MSR1: variants seen among roughly 807,000 people sequenced by gnomAD.
The protein encoded by MSR1 is macrophage scavenger receptor 1.
A neutral mutation model predicts 47.2 loss-of-function variants in MSR1; 53 were observed. The observed-to-expected ratio is 1.12, with a 90% confidence interval of 0.90 to 1.41. MSR1 has a LOEUF of 1.41. MSR1 is among the 40% of genes most tolerant of loss of function. The pLI is 0.00. For missense variants in MSR1, 786 were observed against 546.9 expected, an observed-to-expected ratio of 1.44 and a Z score of -4.36; for synonymous variants, 239 against 185.6, an observed-to-expected ratio of 1.29 and a Z score of -2.34.
intron 1 of MSR1, 94 bp from the exon 2 acceptor site, chr8:16,178,086 G>C (rs1339423025): frequency 3.1e-6 from 3 of 956,530 alleles, no homozygotes; most frequent in Non-Finnish European, 4.8e-6. Flanking sequence ...GTTTGAAATG[G>C]AATCTATTCA....
intron 3 of MSR1, among the ~76,000 whole-genome samples, chr8:16,174,620 T>C (rs1801586385): frequency 6.6e-6 from 1 of 152,166 alleles, no homozygotes; most frequent in Non-Finnish European, 1.5e-5. Context: ...TTTTTAGAGA[T>C]ATTTTAAATA....
chr8:16,117,828 G>C (rs1799910831), intron 9 of MSR1, among the ~76,000 whole-genome samples: 1 of 152,004 alleles, frequency 6.6e-6, no homozygotes, highest in African/African-American at 2.4e-5. Flanking sequence ...ATTCCACATA[G>C]TGAGTGGAAT....
At chr8:16,138,840 C>T (rs1800455354) in intron 8 of MSR1, among the ~76,000 whole-genome samples, 1 of 152,170 alleles carries the variant, frequency 6.6e-6, no homozygotes, top group South Asian at 2.1e-4. Context: ...TTCTTCTCTC[C>T]CTTTTATTTC....
intron 1 of MSR1, among the ~76,000 whole-genome samples, chr8:16,179,806 G>A (rs1412853197): frequency 1.5e-5 from 2 of 131,938 alleles, no homozygotes; most frequent in Admixed American, 1.8e-4. Flanking sequence ...GTACCCGGAA[G>A]ACAGAACTTG....
intron 8 of MSR1, among the ~76,000 whole-genome samples, chr8:16,143,194 T>C (rs1800606308): frequency 6.6e-6 from 1 of 152,176 alleles, no homozygotes; most frequent in African/African-American, 2.4e-5. Context: ...CAAATTCTTA[T>C]ATTTAAGGTT....
chr8:16,149,658 C>T (rs1800793023), intron 7 of MSR1, among the ~76,000 whole-genome samples: 1 of 152,100 alleles, frequency 6.6e-6, no homozygotes, highest in Non-Finnish European at 1.5e-5. Flanking sequence ...ATAATATCAT[C>T]ATGTGTGTAC....
rs962160876 is a variant in MSR1 at position 16,136,865 on chromosome 8, C to T, written c.1033+6693G>A. Among the ~76,000 whole-genome samples the T allele has an allele frequency of 2.2e-4, 33 of 152,018 alleles. No homozygotes were observed. The South Asian group carries it at 3.3e-3, about 15-fold the overall frequency. Reference sequence around the variant, plus strand: ...ATCCACCCACCTTGGCCTCCCAAAGCGCTGGGATTACACGTGTGAGCCACC... The same window carrying T: ...ATCCACCCACCTTGGCCTCCCAAAGTGCTGGGATTACACGTGTGAGCCACC... On this transcript the variant is annotated intron_variant, in intron 8 of 9. Transcript: ENST00000262101.
chr8:16,140,535 T>C (rs1049253024), intron 8 of MSR1: 3 of 1,006,476 alleles, frequency 3.0e-6, no homozygotes, highest in Middle Eastern at 5.0e-4. Context: ...AATTGAGATA[T>C]TTAGGACAGA....
chr8:16,169,479 A>G (rs917710611), intron 3 of MSR1, among the ~76,000 whole-genome samples: 2 of 152,184 alleles, frequency 1.3e-5, no homozygotes, highest in African/African-American at 4.8e-5. Flanking sequence ...TTCACTTTAT[A>G]AAGGTACGAT....
chr8:16,147,171 A>C (rs1388585897), intron 7 of MSR1, among the ~76,000 whole-genome samples: 1 of 152,074 alleles, frequency 6.6e-6, no homozygotes, highest in African/African-American at 2.4e-5. Context: ...AAATCCTCCA[A>C]ACTTTCTGAA....
chr8:16,110,804 T>C (rs6982066), intron 9 of MSR1, among the ~76,000 whole-genome samples: 13,841 of 152,180 alleles, frequency 0.091, 839 homozygotes, highest in African/African-American at 0.16. Flanking sequence ...TGTAAGGAAA[T>C]CATGGATTAA....
chr8:16,116,554 C>T (rs1309916615), intron 9 of MSR1, among the ~76,000 whole-genome samples: 1 of 152,102 alleles, frequency 6.6e-6, no homozygotes, highest in Non-Finnish European at 1.5e-5. Context: ...AGTAACTTCA[C>T]ATGAGACTAA....
At chr8:16,172,201 G>T (rs1329121327) in intron 3 of MSR1, among the ~76,000 whole-genome samples, 2 of 152,104 alleles carry the variant, frequency 1.3e-5, no homozygotes, top group African/African-American at 4.8e-5. Flanking sequence ...CTGGAAATAA[G>T]ATTTATTTTG....
intron 3 of MSR1, among the ~76,000 whole-genome samples, chr8:16,173,915 C>A (rs1320898536): frequency 6.6e-6 from 1 of 152,160 alleles, no homozygotes; most frequent in African/African-American, 2.4e-5. Context: ...TCCCAAAGTG[C>A]TGGGATTACA....
At chr8:16,141,205 G>A in intron 8 of MSR1, 1 of 733,166 alleles carries the variant, frequency 1.4e-6, no homozygotes, top group South Asian at 1.9e-5. Flanking sequence ...AGAATAAATT[G>A]GTACAAGCTT....
At chr8:16,152,471 G>T (rs1217200284) in intron 6 of MSR1, among the ~76,000 whole-genome samples, 1 of 152,022 alleles carries the variant, frequency 6.6e-6, no homozygotes, top group Non-Finnish European at 1.5e-5. Flanking sequence ...TTCTCTTCTG[G>T]AAGCACGATT....
At chr8:16,142,660 T>A (rs1800591648) in intron 8 of MSR1, among the ~76,000 whole-genome samples, 1 of 152,172 alleles carries the variant, frequency 6.6e-6, no homozygotes, top group African/African-American at 2.4e-5. Flanking sequence ...CTACTGTATA[T>A]TTCTAGATAA....
At chr8:16,124,190 C>T (rs1164141701) in intron 8 of MSR1, among the ~76,000 whole-genome samples, 1 of 152,150 alleles carries the variant, frequency 6.6e-6, no homozygotes, top group Non-Finnish European at 1.5e-5. Context: ...GGCCGAGTCA[C>T]TTGCATGAAC....
At chr8:16,150,578 T>C (rs185071516) in intron 6 of MSR1, among the ~76,000 whole-genome samples, 1 of 152,084 alleles carries the variant, frequency 6.6e-6, no homozygotes, top group African/African-American at 2.4e-5. Context: ...AAATAGATCT[T>C]GGAGTTTTAA....
Sources: allele counts gnomAD v4.1 joint callset (sites outside exome capture counted in the v4.1 genomes callset), GRCh38; gene constraint gnomAD v4.1.1; transcripts MANE v1.5; gene names NCBI Gene and HGNC (gene_info 2026-07-23, HGNC 2026-07-21).